Variants in CCDC13 observed in about 807,000 individuals in gnomAD.
CCDC13 encodes the protein coiled-coil domain containing 13, also known as coiled-coil domain-containing protein 13.
Under a neutral mutation model 87.3 loss-of-function variants are expected in CCDC13, and 70 were observed. That is an observed-to-expected ratio of 0.80 (90% CI 0.66 to 0.98). The LOEUF is 0.98. CCDC13 is among the 50% of genes least tolerant of loss of function. The pLI, the probability that CCDC13 is intolerant of heterozygous loss-of-function variation, is 0.00. For synonymous variants in CCDC13, 317 were observed against 360.3 expected (o/e 0.88, Z 1.36); for missense variants, 842 against 892.0 (o/e 0.94, Z 0.71).
rs188831119 is a variant in CCDC13, at chr3:42,710,565, C to T, written c.1874-767G>A. The stretch of plus-strand genomic sequence containing the variant: ...TTCACAAAAAGGAGACAAAGTGGCC[C>T]ACGGTGGGGTGGTCCCAGAACTTTG... On this transcript the variant is annotated intron_variant, in intron 14 of 15. Coordinates refer to ENST00000310232, the MANE Select transcript of CCDC13 (RefSeq NM_144719.4). 5.4e-3 allele frequency among the ~76,000 whole-genome samples: 827 copies of T among 152,286 alleles called. 6 individuals carry two copies. Among genetic ancestry groups the T allele is most frequent in the Non-Finnish European group, 7.5e-3 (510 of 68,014 alleles).
chr3:42,711,956 GA>G (rs1698322183), intron 14 of CCDC13, among the ~76,000 whole-genome samples: 14 of 152,092 alleles, frequency 9.2e-5, no homozygotes, highest in Admixed American at 9.2e-4. Flanking sequence ...CCAGCCTGGA[GA>G]AGCCACACTC....
intron 1 of CCDC13, among the ~76,000 whole-genome samples, chr3:42,772,141 G>C (rs1377888344): frequency 6.6e-6 from 1 of 151,548 alleles, no homozygotes; most frequent in Admixed American, 6.6e-5. Flanking sequence ...GCATGGTGGC[G>C]GGCGCCTGTA....
intron 13 of CCDC13, chr3:42,719,409 C>T (rs1345723715): frequency 6.7e-6 from 1 of 149,894 alleles, no homozygotes; most frequent in South Asian, 2.1e-4. Flanking sequence ...CTCTCTCTCT[C>T]TCTCTCTCTC....
intron 1 of CCDC13, among the ~76,000 whole-genome samples, chr3:42,766,465 G>C (rs940209063): frequency 1.3e-5 from 2 of 152,042 alleles, no homozygotes; most frequent in African/African-American, 4.8e-5. Flanking sequence ...TAAAAACAGC[G>C]AGTTTTGCAG....
chr3:42,732,227 G>C (rs1698854819), intron 12 of CCDC13, among the ~76,000 whole-genome samples: 1 of 152,192 alleles, frequency 6.6e-6, no homozygotes, highest in Non-Finnish European at 1.5e-5. Flanking sequence ...GCAGCATGCT[G>C]TCCCCCACTT....
rs535905329 is a variant in CCDC13, at chr3:42,719,527, C to G, written c.1719-6211G>C. 26 of 152,082 alleles carry G rather than the reference C, an allele frequency of 1.7e-4. No individual in the cohort carries two copies. The South Asian group carries it at 5.2e-3, about 30-fold the overall frequency. 9.4% of individuals were successfully genotyped at this position (152,082 alleles called of 1,614,324 possible). ...CTTAAGCTGCAGCGAATCTGGTGTG[C>G]TTTACGTGTTTTTCTGTATTGTTCC... On this transcript the variant is annotated intron_variant, in intron 13 of 15. Transcript: ENST00000310232.
At chr3:42,761,064 T>C (rs1166935576) in intron 1 of CCDC13, among the ~76,000 whole-genome samples, 1 of 152,220 alleles carries the variant, frequency 6.6e-6, no homozygotes, top group Admixed American at 6.5e-5. Context: ...AATGAAATAA[T>C]AGAGCACAGA....
At position 42,708,653 on chromosome 3, in the gene CCDC13, G is replaced by A; in HGVS notation, c.*327C>T. The A allele has an allele frequency of 4.3e-6, 1 of 234,890 alleles. No individual in the cohort carries two copies. Among genetic ancestry groups the A allele is most frequent in the Non-Finnish European group, 8.1e-6 (1 of 122,880 alleles). The allele number at this position is 234,890 out of a possible 1,614,324, so 14.6% of individuals were successfully genotyped here. On this transcript the variant is annotated 3_prime_UTR_variant, in exon 16 of 16. Transcript: ENST00000310232. The stretch of plus-strand genomic sequence containing the variant: ...GGCTAGTACCTAGGATGAGGGCGAT[G>A]AACACCTGCCCGAGGGACTGCATCT...
chr3:42,730,632 C>T, intron 12 of CCDC13, 43 bp from the exon 13 acceptor site: 1 of 1,605,286 alleles, frequency 6.2e-7, no homozygotes, highest in Admixed American at 1.7e-5. Flanking sequence ...TCATCCGAGG[C>T]CTAGAAATAA....
chr3:42,760,152 G>A (rs956353506), intron 1 of CCDC13, among the ~76,000 whole-genome samples: 5 of 151,844 alleles, frequency 3.3e-5, no homozygotes, highest in Non-Finnish European at 7.4e-5. Flanking sequence ...TTAGCCAGGC[G>A]TGGTGACATG....
intron 3 of CCDC13, among the ~76,000 whole-genome samples, chr3:42,753,650 A>G (rs1699639000): frequency 6.6e-6 from 1 of 152,186 alleles, no homozygotes; most frequent in South Asian, 2.1e-4. Context: ...AGATGATGCT[A>G]TTTTAGATGG....
intron 5 of CCDC13, among the ~76,000 whole-genome samples, chr3:42,748,160 A>G (rs564552144): frequency 3.9e-5 from 6 of 152,202 alleles, no homozygotes; most frequent in Non-Finnish European, 7.4e-5. Flanking sequence ...TCTGTCTTCA[A>G]TAGACACTCC....
intron 1 of CCDC13, among the ~76,000 whole-genome samples, chr3:42,769,303 T>C (rs570810643): frequency 6.6e-6 from 1 of 152,184 alleles, no homozygotes; most frequent in Admixed American, 6.5e-5. Context: ...CCTATTAGAA[T>C]GGCTAGAATC....
chr3:42,758,093 ACAC>A (rs868582338), intron 2 of CCDC13, 29 bp downstream of exon 2: 1 of 1,500,446 alleles, frequency 6.7e-7, no homozygotes, highest in Non-Finnish European at 9.2e-7. Flanking sequence ...ACACACACAC[ACAC>A]CCCTGAGAGA....
intron 5 of CCDC13, among the ~76,000 whole-genome samples, chr3:42,751,462 A>G (rs1699577032): frequency 6.6e-6 from 1 of 152,236 alleles, no homozygotes; most frequent in African/African-American, 2.4e-5. Context: ...CGAAAGGGAA[A>G]GTGTTCATAA....
chr3:42,716,873 G>A (rs1225345250), intron 13 of CCDC13, among the ~76,000 whole-genome samples: 1 of 152,288 alleles, frequency 6.6e-6, no homozygotes, highest in African/African-American at 2.4e-5. Flanking sequence ...GTACAGCAAT[G>A]TTCTTGTAGC....
At chr3:42,751,913 C>T in intron 5 of CCDC13, 23 bp downstream of exon 5, 1 of 1,606,870 alleles carries the variant, frequency 6.2e-7, no homozygotes, top group Non-Finnish European at 8.5e-7. Flanking sequence ...CACAGACTTC[C>T]CAGCACAGAA....
In CCDC13 at chr3:42,706,351, A is replaced by C. The variant is rs1446224278; in HGVS notation, c.*2629T>G. 6.6e-6 allele frequency: 1 copy of C among 152,280 alleles called. No individual in the cohort carries two copies. Among genetic ancestry groups the C allele is most frequent in the African/African-American group, 2.4e-5 (1 of 41,472 alleles). 9.4% of individuals were successfully genotyped at this position (152,280 alleles called of 1,614,324 possible). Reference sequence around the variant, plus strand: ...GGTTGAACAAATGGAGGGAACACTAAGAGCGAATAATTATTAAGCGCTTAC... The same window carrying C: ...GGTTGAACAAATGGAGGGAACACTACGAGCGAATAATTATTAAGCGCTTAC... On this transcript the variant is annotated 3_prime_UTR_variant, in exon 16 of 16. Coordinates refer to ENST00000310232, the MANE Select transcript of CCDC13 (RefSeq NM_144719.4).
chr3:42,767,974 CAA>C (rs1186547884), intron 1 of CCDC13, among the ~76,000 whole-genome samples: 8 of 120,516 alleles, frequency 6.6e-5, no homozygotes, highest in Admixed American at 8.4e-5. Flanking sequence ...AACTCCATCT[CAA>C]AAAAAAAAAA....
Sources: gnomAD v4.1 joint callset for allele counts (sites outside exome capture counted in the v4.1 genomes callset) on GRCh38, gnomAD v4.1.1 for gene constraint, MANE v1.5 for transcripts, NCBI Gene and HGNC (gene_info 2026-07-23, HGNC 2026-07-21) for gene names.